The following MX1 variants were observed in gnomAD, a reference collection of about 807,000 sequenced individuals.
MX1 encodes interferon-induced GTP-binding protein Mx1.
MX1 carries 66 observed loss-of-function variants against 66.4 expected under a neutral mutation model. That is an observed-to-expected ratio of 0.99 (90% CI 0.82 to 1.22). The LOEUF (loss-of-function observed/expected upper bound fraction) is 1.22. MX1 is among the 50% of genes most tolerant of loss of function. The pLI, the probability that MX1 is intolerant of heterozygous loss-of-function variation, is 0.00. For missense variants in MX1, 787 were observed against 834.3 expected, an observed-to-expected ratio of 0.94 and a Z score of 0.70; for synonymous variants, 311 against 318.1, an observed-to-expected ratio of 0.98 and a Z score of 0.24.
At chr21:41,436,467 G>C (rs954611857) in intron 6 of MX1, among the ~76,000 whole-genome samples, 1 of 152,210 alleles carries the variant, frequency 6.6e-6, no homozygotes, top group African/African-American at 2.4e-5. Context: ...TCTACAGTTT[G>C]AGGAGAATCT....
At chr21:41,434,227 A>G (rs905367701) in intron 5 of MX1, among the ~76,000 whole-genome samples, 3 of 152,368 alleles carry the variant, frequency 2.0e-5, no homozygotes, top group South Asian at 4.1e-4. Flanking sequence ...CTGAACCTCA[A>G]TCAGCCCACT....
chr21:41,447,950 G>A (rs555732431), intron 13 of MX1, among the ~76,000 whole-genome samples: 68 of 152,228 alleles, frequency 4.5e-4, no homozygotes, highest in African/African-American at 1.4e-3. Context: ...GGCTGGTCTC[G>A]ACCTCCTGAC....
Position 41,441,330 on chromosome 21 carries a change from C to A in MX1, c.730+305C>A. On this transcript the variant is annotated intron_variant, in intron 9 of 16. Coordinates refer to ENST00000398598, the MANE Select transcript of MX1 (RefSeq NM_002462.5). The surrounding 1 kb of genome is among the most constrained non-coding windows in gnomAD (Gnocchi z 4.0). Reference sequence around the variant, plus strand: ...TCACTGGCTAGGTTGCCTTGTAAGCCTTATCTACTTGCTCAGAAAGGCACA... The same window carrying A: ...TCACTGGCTAGGTTGCCTTGTAAGCATTATCTACTTGCTCAGAAAGGCACA... The A allele has an allele frequency of 4.5e-6, 2 of 440,032 alleles. No individual in the cohort carries two copies. The highest frequency in any genetic ancestry group is 8.4e-6 in the Non-Finnish European group (2 of 237,798). The allele number at this position is 440,032 out of a possible 1,614,324, so 27.3% of individuals were successfully genotyped here. A position where few individuals can be genotyped will look rare whatever the true frequency, so the allele number is the denominator to read the frequency against.
chr21:41,429,918 A>AAAAAAAAAAG, intron 3 of MX1: 1 of 151,448 alleles, frequency 6.6e-6, no homozygotes, highest in East Asian at 1.9e-4. Context: ...AAAAAAAAAA[A>AAAAAAAAAAG]AAAGAAAGAA....
intron 5 of MX1, among the ~76,000 whole-genome samples, chr21:41,432,923 T>C (rs964657607): frequency 1.9e-4 from 29 of 152,222 alleles, no homozygotes; most frequent in African/African-American, 6.8e-4. Context: ...ACCACCACCT[T>C]TCCACCACCC....
intron 3 of MX1, chr21:41,429,731 C>T (rs1444757437): frequency 6.6e-6 from 1 of 151,596 alleles, no homozygotes; most frequent in East Asian, 1.9e-4. Context: ...ACTGTGAGAC[C>T]CCATCTCTAC....
chr21:41,444,318 C>CT (rs11317486), intron 11 of MX1, among the ~76,000 whole-genome samples: 4,182 of 71,558 alleles, frequency 0.058, 842 homozygotes, highest in African/African-American at 0.14. Context: ...TCTTTTCTTT[C>CT]TTTTTTTTTT....
chr21:41,453,639 G>A (rs2090889171), intron 16 of MX1, among the ~76,000 whole-genome samples: 1 of 152,210 alleles, frequency 6.6e-6, no homozygotes, highest in South Asian at 2.1e-4. Context: ...ATGGCTCTGG[G>A]AACAGTCTCA....
chr21:41,443,871 G>A lies in MX1; in HGVS notation c.1008+5G>A. ...GAGCTCATCACACATATCTGTGTAA[G>A]CACGGGCAGAGCTGTGGGTTCTCTA... On this transcript the variant is annotated splice_donor_5th_base_variant and intron_variant, in intron 11 of 16. Coordinates refer to ENST00000398598, the MANE Select transcript of MX1 (RefSeq NM_002462.5). 6.2e-7 allele frequency: 1 copy of A among 1,614,054 alleles called. No individual in the cohort carries two copies. Among genetic ancestry groups the A allele is most frequent in the Non-Finnish European group, 8.5e-7 (1 of 1,179,848 alleles).
chr21:41,439,717 G>T lies in MX1; in HGVS notation c.460G>T (p.Gly154Ter). The T allele has an allele frequency of 6.2e-7, 1 of 1,613,962 alleles. No homozygotes were observed. Among genetic ancestry groups the T allele is most frequent in the Non-Finnish European group, 8.5e-7 (1 of 1,179,870 alleles). The change falls in exon 8 of 17, where the codon GGA becomes TGA. Residue 154 changes from glycine to a stop codon, truncating the protein, a stop_gained. Transcript: ENST00000398598. LOFTEE classifies it high-confidence loss of function. ...NKAQNAIAGE[G>*]MGISHELITL... The stretch of plus-strand genomic sequence containing the variant: ...AGCCCAGAATGCCATCGCCGGGGAA[G>T]GAATGGGAATCAGTCATGAGCTAAT...
rs764929183 is a variant in MX1 at position 41,452,723 on chromosome 21, T to C, written c.1612T>C (p.Tyr538His). The C allele has an allele frequency of 6.2e-6, 10 of 1,613,958 alleles. No individual in the cohort carries two copies. The highest frequency in any genetic ancestry group is 1.7e-5 in the Admixed American group (1 of 60,004). Residue 538 changes from tyrosine to histidine, a missense_variant, in exon 16 of 17, where the codon TAC becomes CAC. Tyr to His is a moderately conservative substitution (Grantham distance 83, BLOSUM62 2). Transcript: ENST00000398598. ...GATTGTCTACTGCCAGGACCAGGTA[T>C]ACAGGGGTGCATTGCAGAAGGTCAG... is the stretch of plus-strand genomic sequence containing the variant. ...EQIVYCQDQV[Y>H]RGALQKVREK...
intron 7 of MX1, 86 bp from the exon 8 acceptor site, chr21:41,439,608 A>T (rs2090449492): frequency 7.8e-7 from 1 of 1,275,412 alleles, no homozygotes; most frequent in Admixed American, 1.8e-5. Context: ...CGCAGAGAGG[A>T]GAAGATGCTT....
At chr21:41,447,838 C>T (rs1310613441) in intron 13 of MX1, among the ~76,000 whole-genome samples, 2 of 152,072 alleles carry the variant, frequency 1.3e-5, no homozygotes, top group South Asian at 2.1e-4. Flanking sequence ...CAGATTCAAG[C>T]GATTCTCCTG....
chr21:41,421,996 C>G (rs1416374788), upstream of MX1: 1 of 152,278 alleles, frequency 6.6e-6, no homozygotes, highest in Admixed American at 6.5e-5. Context: ...CAGAGGTACA[C>G]CCAGAGCAAC....
chr21:41,425,025 C>T (rs542804385), upstream of MX1, among the ~76,000 whole-genome samples: 10 of 152,364 alleles, frequency 6.6e-5, no homozygotes, highest in East Asian at 1.9e-3. Flanking sequence ...AGGTGATAAG[C>T]TTTTGAGATA....
intron 11 of MX1, 90 bp downstream of exon 11, chr21:41,443,956 A>G (rs2090588515): frequency 1.7e-6 from 2 of 1,196,138 alleles, no homozygotes; most frequent in Non-Finnish European, 2.5e-6. Context: ...CACTGTACAC[A>G]CAGATCTTCT....
chr21:41,442,022 T>C (rs2090534120), intron 10 of MX1, 108 bp downstream of exon 10: 2 of 1,015,328 alleles, frequency 2.0e-6, no homozygotes, highest in South Asian at 1.4e-5. Context: ...TGTGTGTGTG[T>C]GTGCGTGTGT....
chr21:41,444,481 C>G (rs1187599454), intron 11 of MX1, among the ~76,000 whole-genome samples: 2 of 151,824 alleles, frequency 1.3e-5, no homozygotes, highest in African/African-American at 4.8e-5. Context: ...TGCCCACCAC[C>G]ATGCCTGGCT....
At chr21:41,451,276 A>G in intron 15 of MX1, 33 bp downstream of exon 15, 1 of 1,366,720 alleles carries the variant, frequency 7.3e-7, no homozygotes, top group Non-Finnish European at 1.0e-6. Flanking sequence ...TAAAAAAAAA[A>G]AAGAAAAGAA....
Sources: gnomAD v4.1 joint callset for allele counts (sites outside exome capture counted in the v4.1 genomes callset) on GRCh38, gnomAD v4.1.1 for gene constraint, Gnocchi (gnomAD v3.1) non-coding constraint, MANE v1.5 for transcripts, NCBI Gene and HGNC (gene_info 2026-07-23, HGNC 2026-07-21) for gene names.